MMP24: variants seen among roughly 807,000 people sequenced by gnomAD.
The protein encoded by MMP24 is matrix metalloproteinase-24.
In MMP24, 25 loss-of-function variants were observed where a neutral mutation model predicts 62.8. The ratio of observed to expected loss-of-function variants is 0.40; its 90% CI spans 0.29 to 0.56. MMP24 has a LOEUF of 0.56. MMP24 is among the 20% of genes least tolerant of loss of function. MMP24 has a pLI of 0.50. For synonymous variants in MMP24, 319 were observed against 350.5 expected (o/e 0.91, Z 1.00); for missense variants, 634 against 853.6 (o/e 0.74, Z 3.21).
chr20:35,273,374 C>A (rs1777000725), intron 8 of MMP24, among the ~76,000 whole-genome samples: 1 of 147,872 alleles, frequency 6.8e-6, no homozygotes, highest in Admixed American at 6.8e-5. Flanking sequence ...CCAGCCTAGG[C>A]AATGGAGTGA....
intron 4 of MMP24, chr20:35,256,206 T>C (rs1405199816): frequency 6.6e-6 from 1 of 152,220 alleles, no homozygotes; most frequent in Non-Finnish European, 1.5e-5. Flanking sequence ...AAATTATTAT[T>C]ATAGGTAAAT....
intron 4 of MMP24, among the ~76,000 whole-genome samples, chr20:35,261,795 C>CTTTTTTTT (rs11335936): frequency 5.6e-5 from 5 of 88,992 alleles, no homozygotes; most frequent in Admixed American, 1.2e-4. Flanking sequence ...TCAGGGCATC[C>CTTTTTTTT]TTTTTTTTTT....
chr20:35,253,270 C>CTGTTTTTTTTTTTTTTT (rs2060557190), intron 3 of MMP24, among the ~76,000 whole-genome samples: 1 of 79,078 alleles, frequency 1.3e-5, no homozygotes, highest in Non-Finnish European at 2.3e-5. Flanking sequence ...CAGAACGGGA[C>CTGTTTTTTTTTTTTTTT]TTTTTTTTTT....
chr20:35,265,434 T>G (rs1185394793), intron 5 of MMP24, among the ~76,000 whole-genome samples: 1 of 148,132 alleles, frequency 6.8e-6, no homozygotes, highest in Non-Finnish European at 1.5e-5. Context: ...AGAGTGAGAC[T>G]CCGTCTCAAA....
At chr20:35,235,099 T>C (rs2060456763) in intron 1 of MMP24, among the ~76,000 whole-genome samples, 1 of 152,212 alleles carries the variant, frequency 6.6e-6, no homozygotes, top group Non-Finnish European at 1.5e-5. Context: ...CATCTCCCTG[T>C]TGCAGTTAAG....
intron 1 of MMP24, among the ~76,000 whole-genome samples, chr20:35,244,944 T>G (rs941272247): frequency 2.0e-5 from 3 of 152,250 alleles, no homozygotes; most frequent in African/African-American, 7.2e-5. Flanking sequence ...AATTCTTTTT[T>G]ATTTAAAAAA....
chr20:35,229,083 C>A (rs1240164803), intron 1 of MMP24, among the ~76,000 whole-genome samples: 1 of 152,198 alleles, frequency 6.6e-6, no homozygotes, highest in Admixed American at 6.5e-5. Flanking sequence ...GAACACAACA[C>A]CCTGTATGTG....
rs372026802 is a variant in MMP24, at chr20:35,227,502, GGA to G, written c.246+520_246+521del. Among the ~76,000 whole-genome samples the G allele has an allele frequency of 7.2e-5, 11 of 152,138 alleles. No individual in the cohort carries two copies. The East Asian group carries it at 2.1e-3, about 30-fold the overall frequency. On this transcript the variant is annotated intron_variant, in intron 1 of 8. Transcript: ENST00000246186. ...CCACAGGGCAGAACTAGGGCCAGCG[GGA>G]GTGGGGGTTGCAAGAAGACAAATTT... is the stretch of plus-strand genomic sequence containing the variant.
At chr20:35,255,009 T>TA (rs1231514479) in intron 4 of MMP24, among the ~76,000 whole-genome samples, 2 of 151,926 alleles carry the variant, frequency 1.3e-5, no homozygotes, top group African/African-American at 4.8e-5. Context: ...AGTAAGAAGA[T>TA]AAAGTAATGG....
chr20:35,258,828 C>T (rs933854920), intron 4 of MMP24, among the ~76,000 whole-genome samples: 2 of 152,078 alleles, frequency 1.3e-5, no homozygotes, highest in African/African-American at 2.4e-5. Flanking sequence ...AGATTGCCTA[C>T]GTCCCAAACC....
At chr20:35,237,409 C>T (rs2060469248) in intron 1 of MMP24, among the ~76,000 whole-genome samples, 1 of 152,240 alleles carries the variant, frequency 6.6e-6, no homozygotes, top group African/African-American at 2.4e-5. Context: ...TTCTCTGACT[C>T]AAACCCCCTG....
rs2275274 is a variant in MMP24 at position 35,269,741 on chromosome 20, C to G, written c.1195-19C>G. On this transcript the variant is annotated intron_variant, in intron 6 of 8. Coordinates refer to ENST00000246186, the MANE Select transcript of MMP24 (RefSeq NM_006690.4). The surrounding 1 kb of genome is among the most constrained non-coding windows in gnomAD (Gnocchi z 4.6). ...CAGGGCCTGACACACCTCTCTCCCC[C>G]TCTCCCGCTTCCTCCCAGGATCGCT... The G allele has an allele frequency of 1.3e-4, 197 of 1,562,278 alleles. 1 individual carries two copies. In the East Asian group the frequency reaches 3.3e-3, roughly 27 times the overall value.
Position 35,275,859 on chromosome 20 carries a change from A to C in MMP24, c.*1250A>C. 2 of 397,016 alleles carry C rather than the reference A, an allele frequency of 5.0e-6. No individual in the cohort carries two copies. The highest frequency in any genetic ancestry group is 8.9e-6 in the Non-Finnish European group (2 of 225,670). 24.6% of individuals were successfully genotyped at this position (397,016 alleles called of 1,614,324 possible). On this transcript the variant is annotated 3_prime_UTR_variant, in exon 9 of 9. Coordinates refer to ENST00000246186, the MANE Select transcript of MMP24 (RefSeq NM_006690.4). ...GGACACCCCTACCGGTAGCAGCCCC[A>C]AGCTGAGGGGGCTCCCTTTTTGACC...
rs1287166706 is a variant in MMP24, at chr20:35,274,397, C to T, written c.1726C>T (p.Arg576Trp). 30 of 1,613,744 alleles carry T rather than the reference C, an allele frequency of 1.9e-5. No individual in the cohort carries two copies. Among genetic ancestry groups the T allele is most frequent in the Non-Finnish European group, 2.2e-5 (26 of 1,179,818 alleles). ...WMGCNQKEVERRKERRLPQDD... is the reference protein window; with the variant it reads ...WMGCNQKEVEWRKERRLPQDD... ...GGGCTGCAACCAGAAGGAGGTGGAG[C>T]GGCGGAAGGAGCGGCGGCTGCCCCA... Residue 576 changes from arginine (R) to tryptophan (W), a missense_variant, in exon 9 of 9, where the codon CGG becomes TGG. Physicochemically the swap from Arg to Trp is moderately radical, Grantham distance 101. Around this residue, in one of 3 missense-constraint regions of MMP24, gnomAD observed 399 missense variants for 530.8 expected, o/e 0.75. Coordinates refer to ENST00000246186, the MANE Select transcript of MMP24 (RefSeq NM_006690.4). The surrounding 1 kb of genome is among the most constrained non-coding windows in gnomAD (Gnocchi z 5.1).
At chr20:35,254,858 C>A in intron 4 of MMP24, 104 bp downstream of exon 4, 1 of 1,301,508 alleles carries the variant, frequency 7.7e-7, no homozygotes, top group Non-Finnish European at 1.1e-6. Context: ...AGCCTCTTGT[C>A]CAAGAACTAA....
At chr20:35,228,112 CTGTT>C (rs1312378206) in intron 1 of MMP24, among the ~76,000 whole-genome samples, 1 of 152,164 alleles carries the variant, frequency 6.6e-6, no homozygotes, top group African/African-American at 2.4e-5. Context: ...AGCAGGCAGT[CTGTT>C]TGTTTAGAAG....
At chr20:35,229,974 T>C (rs2060430823) in intron 1 of MMP24, among the ~76,000 whole-genome samples, 1 of 152,066 alleles carries the variant, frequency 6.6e-6, no homozygotes, top group South Asian at 2.1e-4. Context: ...TTTATTTATT[T>C]ACTTATTTTT....
At chr20:35,258,489 T>C (rs528883178) in intron 4 of MMP24, among the ~76,000 whole-genome samples, 1 of 152,152 alleles carries the variant, frequency 6.6e-6, no homozygotes, top group Non-Finnish European at 1.5e-5. Flanking sequence ...CCTCCATATA[T>C]TTGTTGAAGA....
At chr20:35,258,756 T>C (rs1355048786) in intron 4 of MMP24, among the ~76,000 whole-genome samples, 1 of 151,786 alleles carries the variant, frequency 6.6e-6, no homozygotes, top group East Asian at 1.9e-4. Context: ...TCAGGTTGTG[T>C]CAGCCTGACC....
Sources: gnomAD v4.1 joint callset for allele counts (sites outside exome capture counted in the v4.1 genomes callset) on GRCh38, gnomAD v4.1.1 for gene constraint, gnomAD v4.1.1 regional missense constraint, Gnocchi (gnomAD v3.1) non-coding constraint, MANE v1.5 for transcripts, NCBI Gene and HGNC (gene_info 2026-07-23, HGNC 2026-07-21) for gene names.